TP53I11: variants seen among roughly 807,000 people sequenced by gnomAD.
The protein encoded by TP53I11 is tumor protein p53 inducible protein 11.
In TP53I11, 9 loss-of-function variants were observed where a neutral mutation model predicts 23.3. The ratio of observed to expected loss-of-function variants is 0.39; its 90% confidence interval spans 0.23 to 0.67. TP53I11 has a LOEUF of 0.67. TP53I11 is among the 30% of genes least tolerant of loss of function. The pLI is 0.48. For missense variants in TP53I11, 170 were observed against 255.2 expected, an observed-to-expected ratio of 0.67 and a Z score of 2.27; for synonymous variants, 100 against 106.1, an observed-to-expected ratio of 0.94 and a Z score of 0.35.
chr11:44,935,919 C>A (rs1202642002), intron 5 of TP53I11: 5 of 563,064 alleles, frequency 8.9e-6, no homozygotes, highest in Non-Finnish European at 1.3e-5. Flanking sequence ...GTCACTTCCC[C>A]GCATTGAGAC....
Position 44,942,275 on chromosome 11 carries a change from A to C in TP53I11, c.-31-3909T>G, listed in dbSNP as rs1047509437. Among the ~76,000 whole-genome samples the C allele has an allele frequency of 5.5e-5, 8 of 144,644 alleles. 1 individual carries two copies. Among genetic ancestry groups the C allele is most frequent in the African/African-American group, 2.1e-4 (8 of 38,654 alleles). The allele number at this position is 144,644 out of a possible 152,430, so 94.9% of individuals were successfully genotyped here. ...CACACACTACACACACCCACCACAC[A>C]CATCACACACACCACATACCACACA... On this transcript the variant is annotated intron_variant, in intron 1 of 6. Coordinates refer to ENST00000525680, the MANE Select transcript of TP53I11 (RefSeq NM_006034.5).
chr11:44,943,382 G>A (rs569686715), intron 1 of TP53I11, among the ~76,000 whole-genome samples: 157 of 152,300 alleles, frequency 1.0e-3, no homozygotes, highest in Non-Finnish European at 1.5e-3. Context: ...GAGGCTGGGG[G>A]CAGGGGCAGC....
At chr11:44,937,445 A>G (rs1861274895) in intron 3 of TP53I11, 93 bp from the exon 4 acceptor site, 5 of 1,509,762 alleles carry the variant, frequency 3.3e-6, no homozygotes, top group Admixed American at 4.2e-5. Context: ...TGGGGAAGGT[A>G]ATGAGACAAA....
intron 1 of TP53I11, among the ~76,000 whole-genome samples, chr11:44,949,047 G>T (rs918100245): frequency 6.6e-6 from 1 of 152,248 alleles, no homozygotes; most frequent in Non-Finnish European, 1.5e-5. Flanking sequence ...TGGGAAAGAA[G>T]CGGCCATGGC....
At chr11:44,945,386 G>A (rs1399401077) in intron 1 of TP53I11, among the ~76,000 whole-genome samples, 2 of 152,174 alleles carry the variant, frequency 1.3e-5, no homozygotes, top group Non-Finnish European at 2.9e-5. Context: ...TTATTCGAGT[G>A]TCCCTTGAGG....
At position 44,934,887 on chromosome 11, in the gene TP53I11, G is replaced by A. The variant is rs145296568; in HGVS notation, c.567C>T (p.Ala189=). The change falls in exon 7 of 7, where the codon GCC becomes GCT. Residue 189 remains alanine (A), a synonymous_variant. Transcript: ENST00000525680. ...YYQVGRRPKK[A] ...GGGCCCCAGGCCCAGCGGGCAACTA[G>A]GCCTTCTTGGGTCTTCGGCCGACTT... 1.1e-4 allele frequency: 179 copies of A among 1,614,038 alleles called. No homozygotes were observed. Among genetic ancestry groups the A allele is most frequent in the Admixed American group, 1.8e-4 (11 of 60,024 alleles).
chr11:44,946,148 A>G (rs1373753878), intron 1 of TP53I11, among the ~76,000 whole-genome samples: 1 of 152,168 alleles, frequency 6.6e-6, no homozygotes, highest in Non-Finnish European at 1.5e-5. Flanking sequence ...CGGGGGCTAG[A>G]GAGATAATCT....
chr11:44,950,837 G>C lies in TP53I11; in HGVS notation c.-192C>G, dbSNP rs902503925. The stretch of plus-strand genomic sequence containing the variant: ...GGGCAGGGCAGGGCAGGGCCGGGCC[G>C]GCTGGACTGCGCGCGGCGCCCTGCG... On this transcript the variant is annotated 5_prime_UTR_variant, in exon 1 of 7. Coordinates refer to ENST00000525680, the MANE Select transcript of TP53I11 (RefSeq NM_006034.5). 6.6e-6 allele frequency: 1 copy of C among 152,376 alleles called. No homozygotes were observed. The highest frequency in any genetic ancestry group is 1.5e-5 in the Non-Finnish European group (1 of 68,486). 9.4% of individuals were successfully genotyped at this position (152,376 alleles called of 1,614,324 possible).
upstream of TP53I11, chr11:44,951,153 G>T (rs1862922881): frequency 6.6e-6 from 1 of 152,308 alleles, no homozygotes; most frequent in Non-Finnish European, 1.5e-5. Context: ...GACTTTCCTG[G>T]CAAGTTCTGC....
At chr11:44,941,975 TAC>T (rs3051420) in intron 1 of TP53I11, among the ~76,000 whole-genome samples, 34 of 98,548 alleles carry the variant, frequency 3.5e-4, no homozygotes, top group East Asian at 9.2e-4. Flanking sequence ...GCACACACAG[TAC>T]ACACACACAC....
Position 44,936,157 on chromosome 11 carries a change from CACTG to C in TP53I11, c.335-499_335-496del. ...TGAACCATACTTTTTAGCAGAAGAC[CACTG>C]ACTTGGCCTCTAGCAGGCCCCGCCC... On this transcript the variant is annotated intron_variant, in intron 5 of 6. Coordinates refer to ENST00000525680, the MANE Select transcript of TP53I11 (RefSeq NM_006034.5). This position sits in a 1 kb window ranked among gnomAD's most constrained non-coding sequence, Gnocchi z 4.4. 1 of 944,578 alleles carries C rather than the reference CACTG, an allele frequency of 1.1e-6. No individual in the cohort carries two copies. The highest frequency in any genetic ancestry group is 1.8e-5 in the African/African-American group (1 of 56,786). 58.5% of individuals were successfully genotyped at this position (944,578 alleles called of 1,614,324 possible). A position where few individuals can be genotyped will look rare whatever the true frequency, so the allele number is the denominator to read the frequency against.
chr11:44,939,826 C>T (rs537257222), intron 1 of TP53I11, among the ~76,000 whole-genome samples: 6 of 152,324 alleles, frequency 3.9e-5, no homozygotes, highest in African/African-American at 1.4e-4. Flanking sequence ...GGCTTTAGTT[C>T]CTCATCCACA....
At chr11:44,935,401 C>T (rs1428543543) in intron 6 of TP53I11, among the ~76,000 whole-genome samples, 160 bp downstream of exon 6, 1 of 152,160 alleles carries the variant, frequency 6.6e-6, no homozygotes, top group Non-Finnish European at 1.5e-5. Context: ...TGTGCAGGCA[C>T]ACAAGTAAAC....
chr11:44,935,471 A>C lies in TP53I11; in HGVS notation c.436+90T>G, dbSNP rs1309185669. 10 of 1,236,240 alleles carry C rather than the reference A, an allele frequency of 8.1e-6. No homozygotes were observed. The East Asian group carries it at 1.6e-4, about 20-fold the overall frequency. The allele number at this position is 1,236,240 out of a possible 1,614,324, so 76.6% of individuals were successfully genotyped here. On this transcript the variant is annotated intron_variant, in intron 6 of 6. Coordinates refer to ENST00000525680, the MANE Select transcript of TP53I11 (RefSeq NM_006034.5). ...CCTAGCCCCCCACAGACAGGTTTTCATCACTTCCCACACACCCAGGTGGCT... is the reference window on the plus strand; with the variant it reads ...CCTAGCCCCCCACAGACAGGTTTTCCTCACTTCCCACACACCCAGGTGGCT...
At chr11:44,945,897 G>A (rs1191976721) in intron 1 of TP53I11, among the ~76,000 whole-genome samples, 1 of 152,164 alleles carries the variant, frequency 6.6e-6, no homozygotes, top group African/African-American at 2.4e-5. Flanking sequence ...GCTGCCGTCG[G>A]CCCCTTGGGC....
chr11:44,948,174 G>A (rs1862573711), intron 1 of TP53I11, among the ~76,000 whole-genome samples: 1 of 152,146 alleles, frequency 6.6e-6, no homozygotes, highest in Non-Finnish European at 1.5e-5. Flanking sequence ...TGGACCAGGA[G>A]TCAGAACATC....
chr11:44,933,005 CCCAT>C lies in TP53I11; in HGVS notation c.*1875_*1878del, dbSNP rs1392092923. 1 of 145,072 alleles carries C rather than the reference CCCAT, an allele frequency of 6.9e-6. No homozygotes were observed. The highest frequency in any genetic ancestry group is 7.0e-5 in the Admixed American group (1 of 14,350). 9.0% of individuals were successfully genotyped at this position (145,072 alleles called of 1,614,324 possible). A position where few individuals can be genotyped will look rare whatever the true frequency, so the allele number is the denominator to read the frequency against. On this transcript the variant is annotated 3_prime_UTR_variant, in exon 7 of 7. Coordinates refer to ENST00000525680, the MANE Select transcript of TP53I11 (RefSeq NM_006034.5). ...TTGAGGCTTCGGCCTGAGGGCACTG[CCCAT>C]TGGCGGCACCACCTGTGGGCAGCAG...
chr11:44,938,431 C>T, intron 1 of TP53I11, 65 bp from the exon 2 acceptor site: 1 of 1,430,522 alleles, frequency 7.0e-7, no homozygotes, highest in Non-Finnish European at 9.1e-7. Context: ...GGGGAAGGGG[C>T]CTGACTAGCG....
rs576985173 is a variant in TP53I11, at chr11:44,936,128, G to C, written c.335-466C>G. Reference sequence around the variant, plus strand: ...CTTTAAGGAAGTCCCCTGGGGGAGGGGGATGAACCATACTTTTTAGCAGAA... The same window carrying C: ...CTTTAAGGAAGTCCCCTGGGGGAGGCGGATGAACCATACTTTTTAGCAGAA... On this transcript the variant is annotated intron_variant, in intron 5 of 6. Coordinates refer to ENST00000525680, the MANE Select transcript of TP53I11 (RefSeq NM_006034.5). The surrounding 1 kb of genome is among the most constrained non-coding windows in gnomAD (Gnocchi z 4.4). 1.3e-6 allele frequency: 1 copy of C among 779,782 alleles called. No homozygotes were observed. The highest frequency in any genetic ancestry group is 1.6e-6 in the Non-Finnish European group (1 of 634,784). The allele number at this position is 779,782 out of a possible 1,614,324, so 48.3% of individuals were successfully genotyped here. A position where few individuals can be genotyped will look rare whatever the true frequency, so the allele number is the denominator to read the frequency against.
Sources: gnomAD v4.1 joint callset for allele counts (sites outside exome capture counted in the v4.1 genomes callset) on GRCh38, gnomAD v4.1.1 for gene constraint, Gnocchi (gnomAD v3.1) non-coding constraint, MANE v1.5 for transcripts, NCBI Gene and HGNC (gene_info 2026-07-23, HGNC 2026-07-21) for gene names.